Variants in BIK observed in about 807,000 individuals in gnomAD.
BIK encodes the protein bcl-2-interacting killer.
In BIK, 14 loss-of-function variants were observed where a neutral mutation model predicts 12.1. The ratio of observed to expected loss-of-function variants is 1.16; its 90% CI spans 0.77 to 1.81. The LOEUF (loss-of-function observed/expected upper bound fraction) is 1.81. Ranked by LOEUF, BIK falls within the 40% of genes most tolerant of loss-of-function variation. The pLI is 0.00. For synonymous variants in BIK, 86 were observed against 92.3 expected (o/e 0.93, Z 0.39); for missense variants, 215 against 207.9 (o/e 1.03, Z -0.21).
chr22:43,115,971 G>T (rs1270709006), intron 1 of BIK, among the ~76,000 whole-genome samples: 1 of 151,896 alleles, frequency 6.6e-6, no homozygotes, highest in Non-Finnish European at 1.5e-5. Flanking sequence ...TGACCGGGGG[G>T]TCTTGAACTC....
chr22:43,125,987 T>A (rs2147025148), intron 2 of BIK, among the ~76,000 whole-genome samples: 1 of 151,346 alleles, frequency 6.6e-6, no homozygotes, highest in East Asian at 1.9e-4. Context: ...TACCCAGATG[T>A]CCAGGCACAC....
chr22:43,112,149 C>T lies in BIK; in HGVS notation c.-8+1346C>T, dbSNP rs143263344. Among the ~76,000 whole-genome samples the T allele has an allele frequency of 2.4e-4, 36 of 152,270 alleles. 2 individuals are homozygous for T. Among genetic ancestry groups the T allele is most frequent in the African/African-American group, 7.0e-4 (29 of 41,548 alleles). On this transcript the variant is annotated intron_variant, in intron 1 of 4. Transcript: ENST00000216115. ...CCCCGATTTCTACTTAATTTGGGCACGCCTTTGGAATAAGTTCTCAGGAAT... is the reference window on the plus strand; with the variant it reads ...CCCCGATTTCTACTTAATTTGGGCATGCCTTTGGAATAAGTTCTCAGGAAT...
chr22:43,125,766 A>C (rs947242146), intron 2 of BIK, among the ~76,000 whole-genome samples: 1 of 152,064 alleles, frequency 6.6e-6, no homozygotes, highest in African/African-American at 2.4e-5. Flanking sequence ...AAAGAAAGAA[A>C]ACCAGAACCT....
chr22:43,124,871 A>G (rs1930284451), intron 2 of BIK, among the ~76,000 whole-genome samples: 1 of 152,194 alleles, frequency 6.6e-6, no homozygotes, highest in African/African-American at 2.4e-5. Flanking sequence ...CAGCCTGGGC[A>G]ACAGAGCGAG....
intron 1 of BIK, among the ~76,000 whole-genome samples, chr22:43,111,197 G>A (rs527463736): frequency 1.0e-3 from 159 of 152,338 alleles, no homozygotes; most frequent in Non-Finnish European, 1.6e-3. Flanking sequence ...CCGTAGCGCG[G>A]CAACGCCAGC....
intron 3 of BIK, 71 bp downstream of exon 3, chr22:43,127,866 C>T (rs1930350501): frequency 2.2e-6 from 3 of 1,395,310 alleles, no homozygotes; most frequent in Non-Finnish European, 2.9e-6. Context: ...GCCCTGAACA[C>T]AGCACAGGGC....
At position 43,128,610 on chromosome 22, in the gene BIK, G is replaced by A. The variant is rs548392571; in HGVS notation, c.375G>A (p.Pro125=). The part of the protein sequence containing the change: ...KENIMRFWRS[P]NPGSWVSCEQ... ...ACATAATGAGGTTCTGGAGATCCCC[G>A]AACCCCGGGTCCTGGGTAAGAGCCT... Residue 125 remains proline, a synonymous_variant, in exon 4 of 5, where the codon CCG becomes CCA. Transcript: ENST00000216115. 28 of 1,611,176 alleles carry A rather than the reference G, an allele frequency of 1.7e-5. No homozygotes were observed. The Admixed American group carries it at 2.0e-4, about 12-fold the overall frequency.
chr22:43,114,778 C>G (rs538769957), intron 1 of BIK, among the ~76,000 whole-genome samples: 18 of 152,326 alleles, frequency 1.2e-4, no homozygotes, highest in South Asian at 4.1e-4. Flanking sequence ...GTGTGCGCCT[C>G]GCAGAGCAAC....
At chr22:43,111,189 G>A (rs936507795) in intron 1 of BIK, among the ~76,000 whole-genome samples, 6 of 152,162 alleles carry the variant, frequency 3.9e-5, no homozygotes, top group African/African-American at 1.4e-4. Flanking sequence ...CGGCCAGACC[G>A]TAGCGCGGCA....
intron 2 of BIK, among the ~76,000 whole-genome samples, chr22:43,125,731 G>C (rs1930301309): frequency 6.6e-6 from 1 of 151,922 alleles, no homozygotes; most frequent in Non-Finnish European, 1.5e-5. Context: ...CACAAAAAAA[G>C]AGAAAGAGAA....
intron 1 of BIK, among the ~76,000 whole-genome samples, chr22:43,115,416 C>T (rs1348198751): frequency 1.3e-5 from 2 of 152,068 alleles, no homozygotes; most frequent in Non-Finnish European, 2.9e-5. Flanking sequence ...AGGGTCGGGG[C>T]CAGGGTGAGC....
intron 1 of BIK, among the ~76,000 whole-genome samples, chr22:43,119,527 G>C (rs1930180205): frequency 6.6e-6 from 1 of 152,042 alleles, no homozygotes; most frequent in Admixed American, 6.6e-5. Flanking sequence ...TGTGCAATAG[G>C]TGTTACTAGT....
At chr22:43,122,183 A>G (rs1930232991) in intron 1 of BIK, among the ~76,000 whole-genome samples, 1 of 152,216 alleles carries the variant, frequency 6.6e-6, no homozygotes, top group South Asian at 2.1e-4. Flanking sequence ...TGGCTTAGTC[A>G]TGAACCTCTC....
chr22:43,127,945 T>A, intron 3 of BIK, 150 bp downstream of exon 3: 1 of 777,214 alleles, frequency 1.3e-6, no homozygotes, highest in Non-Finnish European at 2.0e-6. Context: ...CTTGGCTGCT[T>A]CCCGCACCTC....
At chr22:43,115,059 G>C (rs1248046033) in intron 1 of BIK, among the ~76,000 whole-genome samples, 2 of 152,218 alleles carry the variant, frequency 1.3e-5, no homozygotes, top group Non-Finnish European at 2.9e-5. Flanking sequence ...CTGGGTCCCT[G>C]CTCTGTTCTG....
chr22:43,127,966 C>T (rs1930353366), intron 3 of BIK, among the ~76,000 whole-genome samples, 171 bp downstream of exon 3: 1 of 152,124 alleles, frequency 6.6e-6, no homozygotes, highest in Non-Finnish European at 1.5e-5. Context: ...TCCTGGGAGC[C>T]CCCAGCTCCT....
At chr22:43,126,188 CTT>C (rs549572600) in intron 2 of BIK, among the ~76,000 whole-genome samples, 8 of 137,112 alleles carry the variant, frequency 5.8e-5, no homozygotes, top group Non-Finnish European at 4.7e-5. Context: ...GCATGCCCGG[CTT>C]TTTTTTTTTT....
intron 1 of BIK, among the ~76,000 whole-genome samples, chr22:43,119,460 C>G (rs1011415894): frequency 1.3e-5 from 2 of 152,192 alleles, no homozygotes; most frequent in African/African-American, 4.8e-5. Context: ...ATAAGAGCAG[C>G]AGCCCCTCTC....
At position 43,124,070 on chromosome 22, in the gene BIK, C is replaced by G; in HGVS notation, c.48C>G (p.Leu16=). 6.2e-7 allele frequency: 1 copy of G among 1,614,170 alleles called. No homozygotes were observed. Among genetic ancestry groups the G allele is most frequent in the Non-Finnish European group, 8.5e-7 (1 of 1,180,026 alleles). The part of the protein sequence containing the change: ...PLSRDILMET[L]LYEQLLEPPT... ...CCAGAGACATCTTGATGGAGACCCT[C>G]CTGTATGAGCAGCTCCTGGAACCCC... is the stretch of plus-strand genomic sequence containing the variant. Residue 16 remains leucine, a synonymous_variant, in exon 2 of 5, where the codon CTC becomes CTG. Coordinates refer to ENST00000216115, the MANE Select transcript of BIK (RefSeq NM_001197.5).
Sources: allele counts gnomAD v4.1 joint callset (sites outside exome capture counted in the v4.1 genomes callset), GRCh38; gene constraint gnomAD v4.1.1; transcripts MANE v1.5; gene names NCBI Gene and HGNC (gene_info 2026-07-23, HGNC 2026-07-21).